Variants in CNOT11 observed in about 807,000 individuals in gnomAD.
The protein encoded by CNOT11 is UPF0760 protein C2orf29.
In CNOT11, 18 loss-of-function variants were observed where a neutral mutation model predicts 44.6. That is an observed-to-expected ratio of 0.40 (90% CI 0.28 to 0.60). The LOEUF (loss-of-function observed/expected upper bound fraction) is 0.60, where lower values mean the gene tolerates loss of function less well. CNOT11 is among the 20% of genes least tolerant of loss of function. The pLI is 0.38. For missense variants in CNOT11, 513 were observed against 677.0 expected, an observed-to-expected ratio of 0.76 and a Z score of 2.69; for synonymous variants, 291 against 270.9, an observed-to-expected ratio of 1.07 and a Z score of -0.73.
chr2:101,266,253 C>T (rs1207602358), intron 4 of CNOT11, among the ~76,000 whole-genome samples: 1 of 152,222 alleles, frequency 6.6e-6, no homozygotes, highest in South Asian at 2.1e-4. Context: ...TTTCTGGTCT[C>T]CACCTGGGTG....
chr2:101,257,546 T>A (rs1314253909), intron 1 of CNOT11, among the ~76,000 whole-genome samples: 1 of 152,182 alleles, frequency 6.6e-6, no homozygotes. Context: ...CCTCTTTCTT[T>A]AACTCTTACA....
chr2:101,257,653 T>C (rs996813706), intron 1 of CNOT11, 138 bp from the exon 2 acceptor site: 2 of 631,088 alleles, frequency 3.2e-6, no homozygotes, highest in Non-Finnish European at 2.8e-6. Flanking sequence ...ATATATTTGG[T>C]TGACTGAAAC....
At chr2:101,255,355 C>T (rs1384526226) in intron 1 of CNOT11, among the ~76,000 whole-genome samples, 1 of 152,024 alleles carries the variant, frequency 6.6e-6, no homozygotes, top group Non-Finnish European at 1.5e-5. Flanking sequence ...ATTAGCCGGG[C>T]GCGGTGGCGG....
chr2:101,269,236 G>A lies in CNOT11; in HGVS notation c.1356G>A (p.Val452=). Residue 452 remains valine, a synonymous_variant, in exon 7 of 7, where the codon GTG becomes GTA. Transcript: ENST00000289382. The surrounding 1 kb of genome is among the most constrained non-coding windows in gnomAD (Gnocchi z 4.8). The part of the protein sequence containing the change: ...KYMQNRLVRL[V]CVFLQSLIRN... The stretch of plus-strand genomic sequence containing the variant: ...TTCAGAATCGGTTGGTGCGTCTTGT[G>A]TGTGTGTTTCTCCAATCCTTGATCC... The A allele has an allele frequency of 1.2e-6, 2 of 1,613,158 alleles. No individual in the cohort carries two copies. Among genetic ancestry groups the A allele is most frequent in the African/African-American group, 2.7e-5 (2 of 74,830 alleles).
chr2:101,259,872 T>A (rs1046949037), intron 2 of CNOT11, among the ~76,000 whole-genome samples: 1 of 151,914 alleles, frequency 6.6e-6, no homozygotes, highest in East Asian at 1.9e-4. Flanking sequence ...ACCCTGTCTC[T>A]ACAAAAGTAA....
At chr2:101,255,754 G>C (rs1404093975) in intron 1 of CNOT11, among the ~76,000 whole-genome samples, 2 of 152,186 alleles carry the variant, frequency 1.3e-5, no homozygotes, top group Non-Finnish European at 2.9e-5. Context: ...TGTGGAGCTG[G>C]AGAAATTCTC....
rs534454948 is a variant in CNOT11 at position 101,265,735 on chromosome 2, A to C, written c.1035+688A>C. Reference sequence around the variant, plus strand: ...GAGTTACTGACAGGCTGTAGGGAGGAAAACAAGGCTGGGAAGGGGAACCCG... The same window carrying C: ...GAGTTACTGACAGGCTGTAGGGAGGCAAACAAGGCTGGGAAGGGGAACCCG... On this transcript the variant is annotated intron_variant, in intron 4 of 6. Transcript: ENST00000289382. 5.3e-5 allele frequency among the ~76,000 whole-genome samples: 8 copies of C among 152,164 alleles called. No homozygotes were observed. In the South Asian group the frequency reaches 1.0e-3, roughly 20 times the overall value.
At chr2:101,254,956 T>C (rs1358084606) in intron 1 of CNOT11, among the ~76,000 whole-genome samples, 1 of 152,166 alleles carries the variant, frequency 6.6e-6, no homozygotes, top group African/African-American at 2.4e-5. Flanking sequence ...CTTTGAATTC[T>C]GAAGAACAAG....
At position 101,266,838 on chromosome 2, in the gene CNOT11, C is replaced by G; in HGVS notation, c.1197C>G (p.Val399=). 3.1e-6 allele frequency: 5 copies of G among 1,613,636 alleles called. No homozygotes were observed. Among genetic ancestry groups the G allele is most frequent in the Non-Finnish European group, 4.2e-6 (5 of 1,179,658 alleles). ...TCACTGAGTATTTCTCTGTCCTGGT[C>G]AATATGGACATGTCTTTACATTCAA... The part of the protein sequence containing the change: ...SQITEYFSVL[V]NMDMSLHSME... Residue 399 remains valine (V), a synonymous_variant, in exon 5 of 7, where the codon GTC becomes GTG. Coordinates refer to ENST00000289382, the MANE Select transcript of CNOT11 (RefSeq NM_017546.5).
At chr2:101,258,417 A>AT (rs988507749) in intron 2 of CNOT11, among the ~76,000 whole-genome samples, 1 of 151,554 alleles carries the variant, frequency 6.6e-6, no homozygotes, top group Non-Finnish European at 1.5e-5. Flanking sequence ...AAATAAATAA[A>AT]TAAATAAATA....
In CNOT11 at chr2:101,269,329, G is replaced by A. The variant is rs1682058191; in HGVS notation, c.1449G>A (p.Arg483=). The change falls in exon 7 of 7, where the codon AGG becomes AGA. Residue 483 remains arginine (R), a synonymous_variant. Coordinates refer to ENST00000289382, the MANE Select transcript of CNOT11 (RefSeq NM_017546.5). This position sits in a 1 kb window ranked among gnomAD's most constrained non-coding sequence, Gnocchi z 4.8. The part of the protein sequence containing the change: ...EVQAFCIEFS[R]IREAAGLFRL... Reference sequence around the variant, plus strand: ...AGGCATTCTGTATTGAATTCAGTAGGATACGAGAAGCTGCTGGTCTTTTCC... The same window carrying A: ...AGGCATTCTGTATTGAATTCAGTAGAATACGAGAAGCTGCTGGTCTTTTCC... 2.5e-6 allele frequency: 4 copies of A among 1,613,994 alleles called. No homozygotes were observed. Among genetic ancestry groups the A allele is most frequent in the Non-Finnish European group, 3.4e-6 (4 of 1,179,976 alleles).
chr2:101,267,222 A>G (rs1322553106), intron 5 of CNOT11, among the ~76,000 whole-genome samples: 3 of 152,136 alleles, frequency 2.0e-5, no homozygotes. Flanking sequence ...CGCTGGGTTC[A>G]AGCAATTCTC....
chr2:101,254,570 ACAGGTTTGTGGT>A (rs1681697185), intron 1 of CNOT11, among the ~76,000 whole-genome samples: 1 of 152,120 alleles, frequency 6.6e-6, no homozygotes, highest in African/African-American at 2.4e-5. Context: ...TGAATGTAAC[ACAGGTTTGTGGT>A]CAAAACTCAC....
At chr2:101,262,049 C>T (rs182840808) in intron 2 of CNOT11, among the ~76,000 whole-genome samples, 2,808 of 151,898 alleles carry the variant, frequency 0.018, 104 homozygotes, top group African/African-American at 0.063. Flanking sequence ...AGGGTTTCAC[C>T]GTGTTAGCCA....
At chr2:101,266,119 T>C (rs1274001784) in intron 4 of CNOT11, among the ~76,000 whole-genome samples, 1 of 152,232 alleles carries the variant, frequency 6.6e-6, no homozygotes, top group Non-Finnish European at 1.5e-5. Context: ...CCTTTGAGGA[T>C]ACCTGTTTGA....
intron 5 of CNOT11, among the ~76,000 whole-genome samples, chr2:101,267,468 C>G (rs1229210851): frequency 6.6e-6 from 1 of 150,774 alleles, no homozygotes; most frequent in Non-Finnish European, 1.5e-5. Context: ...TTCTTTATCC[C>G]TATACAAATA....
At position 101,253,026 on chromosome 2, in the gene CNOT11, G is replaced by C. The variant is rs1352171819; in HGVS notation, c.62G>C (p.Gly21Ala). 6 of 1,512,772 alleles carry C rather than the reference G, an allele frequency of 4.0e-6. No individual in the cohort carries two copies. In the Admixed American group the frequency reaches 1.2e-4, roughly 31 times the overall value. 93.7% of individuals were successfully genotyped at this position (1,512,772 alleles called of 1,614,324 possible). Residue 21 changes from glycine (G) to alanine (A), a missense_variant, in exon 1 of 7, where the codon GGG (glycine) becomes GCG (alanine). Transcript: ENST00000289382. The surrounding 1 kb of genome is among the most constrained non-coding windows in gnomAD (Gnocchi z 4.3). ...GRLLTAAEQR[G>A]SREAAGSASR... ...CTTCTCACCGCCGCGGAGCAAAGAGGGTCCCGGGAAGCGGCAGGGTCGGCG... is the reference window on the plus strand; with the variant it reads ...CTTCTCACCGCCGCGGAGCAAAGAGCGTCCCGGGAAGCGGCAGGGTCGGCG...
chr2:101,254,170 T>G lies in CNOT11; in HGVS notation c.514+692T>G, dbSNP rs1003333476. 2.6e-5 allele frequency among the ~76,000 whole-genome samples: 4 copies of G among 152,164 alleles called. No homozygotes were observed. In the East Asian group the frequency reaches 7.7e-4, roughly 29 times the overall value. ...CAAGCAGGTGATGCTTTATGTGGAT[T>G]TGCTTTGCGAGAAGACTTGCAGTCA... is the stretch of plus-strand genomic sequence containing the variant. On this transcript the variant is annotated intron_variant, in intron 1 of 6. Transcript: ENST00000289382.
At chr2:101,254,057 A>C (rs1009437819) in intron 1 of CNOT11, among the ~76,000 whole-genome samples, 1 of 152,232 alleles carries the variant, frequency 6.6e-6, no homozygotes, top group African/African-American at 2.4e-5. Context: ...GGTATACATT[A>C]TGTAAAATGT....
Sources: allele counts gnomAD v4.1 joint callset (sites outside exome capture counted in the v4.1 genomes callset), GRCh38; gene constraint gnomAD v4.1.1; non-coding constraint Gnocchi (gnomAD v3.1); transcripts MANE v1.5; gene names NCBI Gene and HGNC (gene_info 2026-07-23, HGNC 2026-07-21).